The following HOTAIR variants were observed in gnomAD, a reference collection of about 807,000 sequenced individuals.
HOTAIR encodes HOX transcript antisense RNA.
intron 1 of HOTAIR, among the ~76,000 whole-genome samples, chr12:53,970,706 G>A (rs865912504): frequency 2.6e-5 from 4 of 152,298 alleles, no homozygotes; most frequent in Non-Finnish European, 5.9e-5. Flanking sequence ...AAATAGGGCC[G>A]CCAGCAGCTC....
chr12:53,974,133 G>A (rs1055607770), intron 1 of HOTAIR, among the ~76,000 whole-genome samples: 3 of 152,180 alleles, frequency 2.0e-5, no homozygotes, highest in African/African-American at 7.2e-5. Context: ...ATGGAGAAGG[G>A]GTGGGGAGGG....
exon 7 of HOTAIR, chr12:53,962,700 C>T (rs1218937922): frequency 2.0e-5 from 2 of 100,960 alleles, no homozygotes; most frequent in Non-Finnish European, 5.1e-5. Flanking sequence ...TCTCCATCTG[C>T]TGATTTTTTT....
exon 3 of HOTAIR, chr12:53,967,291 G>A (rs1408008611): frequency 1.3e-5 from 2 of 152,058 alleles, no homozygotes; most frequent in Admixed American, 6.5e-5. Flanking sequence ...GAGCACCTCC[G>A]GGATATTAGG....
intron 1 of HOTAIR, among the ~76,000 whole-genome samples, chr12:53,971,279 T>A (rs1375304550): frequency 6.6e-6 from 1 of 152,006 alleles, no homozygotes; most frequent in Non-Finnish European, 1.5e-5. Flanking sequence ...ACTAAAGGAG[T>A]AGCGCCCAGC....
At chr12:53,964,959 G>A (rs1344768033) in intron 5 of HOTAIR, among the ~76,000 whole-genome samples, 1 of 152,170 alleles carries the variant, frequency 6.6e-6, no homozygotes, top group Non-Finnish European at 1.5e-5. Flanking sequence ...ATCATTACAA[G>A]TAAGGGGATA....
chr12:53,973,916 C>T lies in HOTAIR; in HGVS notation n.59+982G>A, dbSNP rs1357694910. Reference sequence around the variant, plus strand: ...TGGCCAAGGAGCCGGCCAAAGGAGCCGCCCCCAGTAGGTAGCAGCGGCCGG... The same window carrying T: ...TGGCCAAGGAGCCGGCCAAAGGAGCTGCCCCCAGTAGGTAGCAGCGGCCGG... On this transcript the variant is annotated intron_variant and non_coding_transcript_variant, in intron 1 of 6. Transcript: ENST00000424518. The surrounding 1 kb of genome is among the most constrained non-coding windows in gnomAD (Gnocchi z 4.3). 2 of 1,441,352 alleles carry T rather than the reference C, an allele frequency of 1.4e-6. No individual in the cohort carries two copies. The highest frequency in any genetic ancestry group is 2.6e-5 in the East Asian group (1 of 38,814). The allele number at this position is 1,441,352 out of a possible 1,614,324, so 89.3% of individuals were successfully genotyped here. A position where few individuals can be genotyped will look rare whatever the true frequency, so the allele number is the denominator to read the frequency against.
rs759805453 is a variant in HOTAIR at position 53,973,540 on chromosome 12, T to G, written n.59+1358A>C. 3.7e-6 allele frequency: 6 copies of G among 1,613,442 alleles called. No individual in the cohort carries two copies. Among genetic ancestry groups the G allele is most frequent in the Non-Finnish European group, 5.1e-6 (6 of 1,179,994 alleles). On this transcript the variant is annotated intron_variant and non_coding_transcript_variant, in intron 1 of 6. Transcript: ENST00000424518. The surrounding 1 kb of genome is among the most constrained non-coding windows in gnomAD (Gnocchi z 4.3). Reference sequence around the variant, plus strand: ...TGCTATGCGGCGGCCGACGAGCTTATGCACCGGGAGTGCCTGCCTCCTTCC... The same window carrying G: ...TGCTATGCGGCGGCCGACGAGCTTAGGCACCGGGAGTGCCTGCCTCCTTCC...
chr12:53,969,882 C>G (rs967356500), intron 1 of HOTAIR, among the ~76,000 whole-genome samples: 1 of 152,266 alleles, frequency 6.6e-6, no homozygotes, highest in African/African-American at 2.4e-5. Flanking sequence ...ACGATCTGCT[C>G]TCTAGAACCC....
intron 5 of HOTAIR, among the ~76,000 whole-genome samples, chr12:53,965,259 G>C (rs1939030247): frequency 6.6e-6 from 1 of 152,232 alleles, no homozygotes; most frequent in Non-Finnish European, 1.5e-5. Context: ...CCTCCCCATA[G>C]TTTCAGGAGC....
exon 7 of HOTAIR, chr12:53,963,951 C>A: frequency 7.5e-6 from 1 of 132,792 alleles, no homozygotes. Context: ...TGTGAGTGCC[C>A]GTCTTGCCCT....
intron 5 of HOTAIR, among the ~76,000 whole-genome samples, chr12:53,965,737 AAAAG>A (rs1243057494): frequency 1.3e-5 from 2 of 151,598 alleles, no homozygotes; most frequent in African/African-American, 4.8e-5. Context: ...CAGCAGGAGA[AAAAG>A]AAGGAAGGAA....
chr12:53,974,731 C>T (rs1939223029), intron 1 of HOTAIR, among the ~76,000 whole-genome samples: 1 of 151,864 alleles, frequency 6.6e-6, no homozygotes, highest in Admixed American at 6.5e-5. Flanking sequence ...TTCCTCCCCG[C>T]CTCCCGACTG....
rs781022669 is a variant in HOTAIR, at chr12:53,973,452, C to A, written n.59+1446G>T. On this transcript the variant is annotated intron_variant and non_coding_transcript_variant, in intron 1 of 6. Transcript: ENST00000424518. This position sits in a 1 kb window ranked among gnomAD's most constrained non-coding sequence, Gnocchi z 4.3. Reference sequence around the variant, plus strand: ...CTACTCGGCCCAAGTGCCCCCGGTCCGGGAGGTCTCCTACGGCCTGGAGCC... The same window carrying A: ...CTACTCGGCCCAAGTGCCCCCGGTCAGGGAGGTCTCCTACGGCCTGGAGCC... The A allele has an allele frequency of 3.1e-6, 5 of 1,614,162 alleles. No individual in the cohort carries two copies. Among genetic ancestry groups the A allele is most frequent in the Admixed American group, 1.7e-5 (1 of 60,032 alleles).
At chr12:53,974,153 G>A (rs1420035552) in intron 1 of HOTAIR, among the ~76,000 whole-genome samples, 1 of 152,122 alleles carries the variant, frequency 6.6e-6, no homozygotes, top group African/African-American at 2.4e-5. Context: ...GAGGGAAAAG[G>A]GCTCTTTGGA....
At position 53,973,731 on chromosome 12, in the gene HOTAIR, G is replaced by C; in HGVS notation, n.59+1167C>G. The C allele has an allele frequency of 1.2e-6, 2 of 1,612,146 alleles. No individual in the cohort carries two copies. Among genetic ancestry groups the C allele is most frequent in the Non-Finnish European group, 1.7e-6 (2 of 1,179,658 alleles). Reference sequence around the variant, plus strand: ...CGACAACGCCTACTGCGGTGGCGGCGACCCGCCCGCCGAGCCCCCCTGCTC... The same window carrying C: ...CGACAACGCCTACTGCGGTGGCGGCCACCCGCCCGCCGAGCCCCCCTGCTC... On this transcript the variant is annotated intron_variant and non_coding_transcript_variant, in intron 1 of 6. Coordinates refer to ENST00000424518, the Ensembl canonical transcript of HOTAIR. The surrounding 1 kb of genome is among the most constrained non-coding windows in gnomAD (Gnocchi z 4.3).
rs1939183160 is a variant in HOTAIR, at chr12:53,973,375, C to G, written n.59+1523G>C. 6.2e-7 allele frequency: 1 copy of G among 1,611,320 alleles called. No homozygotes were observed. Among genetic ancestry groups the G allele is most frequent in the Non-Finnish European group, 8.5e-7 (1 of 1,179,056 alleles). Reference sequence around the variant, plus strand: ...TGCACTTACTACATGCCCGAGTTCTCCACGGTCTCCTCCTTCCTGCCCCAG... The same window carrying G: ...TGCACTTACTACATGCCCGAGTTCTGCACGGTCTCCTCCTTCCTGCCCCAG... On this transcript the variant is annotated intron_variant and non_coding_transcript_variant, in intron 1 of 6. Coordinates refer to ENST00000424518, the Ensembl canonical transcript of HOTAIR. This position sits in a 1 kb window ranked among gnomAD's most constrained non-coding sequence, Gnocchi z 4.3.
At chr12:53,967,603 G>C (rs1271766666) in intron 2 of HOTAIR, among the ~76,000 whole-genome samples, 2 of 152,206 alleles carry the variant, frequency 1.3e-5, no homozygotes, top group African/African-American at 4.8e-5. Context: ...CCCAGGGAGG[G>C]AACAGCAGGC....
At position 53,973,209 on chromosome 12, in the gene HOTAIR, A is replaced by T; in HGVS notation, n.59+1689T>A. 1 of 1,516,446 alleles carries T rather than the reference A, an allele frequency of 6.6e-7. No individual in the cohort carries two copies. Among genetic ancestry groups the T allele is most frequent in the Non-Finnish European group, 8.8e-7 (1 of 1,136,576 alleles). The allele number at this position is 1,516,446 out of a possible 1,614,324, so 93.9% of individuals were successfully genotyped here. A position where few individuals can be genotyped will look rare whatever the true frequency, so the allele number is the denominator to read the frequency against. ...CCCCCCTCGCTAGACCGGGTCCAAA[A>T]CCTCCATCCGGAGCCGGCAGGAGAG... On this transcript the variant is annotated intron_variant and non_coding_transcript_variant, in intron 1 of 6. Coordinates refer to ENST00000424518, the Ensembl canonical transcript of HOTAIR. The surrounding 1 kb of genome is among the most constrained non-coding windows in gnomAD (Gnocchi z 4.3).
At position 53,969,832 on chromosome 12, in the gene HOTAIR, C is replaced by G. The variant is rs145871230; in HGVS notation, n.60-1076G>C. On this transcript the variant is annotated intron_variant and non_coding_transcript_variant, in intron 1 of 6. Coordinates refer to ENST00000424518, the Ensembl canonical transcript of HOTAIR. ...CCATTTCTTCTTTCAGCATTTTCCTCCCCAGTTCATGGTCTGTGGGATGGG... is the reference window on the plus strand; with the variant it reads ...CCATTTCTTCTTTCAGCATTTTCCTGCCCAGTTCATGGTCTGTGGGATGGG... Among the ~76,000 whole-genome samples, 92 of 152,332 alleles carry G rather than the reference C, an allele frequency of 6.0e-4. 1 individual carries two copies. Among genetic ancestry groups the G allele is most frequent in the African/African-American group, 2.1e-3 (89 of 41,582 alleles).
Sources: allele counts gnomAD v4.1 joint callset (sites outside exome capture counted in the v4.1 genomes callset), GRCh38; gene constraint gnomAD v4.1.1; non-coding constraint Gnocchi (gnomAD v3.1); transcripts MANE v1.5; gene names NCBI Gene and HGNC (gene_info 2026-07-23, HGNC 2026-07-21).